MUC22: variants seen among roughly 807,000 people sequenced by gnomAD.
The protein encoded by MUC22 is mucin-22.
Under a neutral mutation model 40.3 loss-of-function variants are expected in MUC22, and 24 were observed. The ratio of observed to expected loss-of-function variants is 0.60; its 90% CI spans 0.43 to 0.84. MUC22 has a LOEUF of 0.84. MUC22 is among the 40% of genes least tolerant of loss of function. The pLI, the probability that MUC22 is intolerant of heterozygous loss-of-function variation, is 0.00. For synonymous variants in MUC22, 765 were observed against 844.5 expected, an observed-to-expected ratio of 0.91 and a Z score of 1.63; for missense variants, 1,926 against 2,130.7, an observed-to-expected ratio of 0.90 and a Z score of 1.89.
chr6:31,030,032 C>T, exon 2 of MUC22: 2 of 1,535,754 alleles, frequency 1.3e-6, no homozygotes, highest in Non-Finnish European at 1.7e-6. Context: ...ACTGTCTCTT[C>T]CACCACGTTT....
At chr6:31,024,445 T>C (rs1765108176) in intron 1 of MUC22, among the ~76,000 whole-genome samples, 1 of 79,024 alleles carries the variant, frequency 1.3e-5, no homozygotes, top group African/African-American at 5.7e-5. Context: ...CAAAAGAATT[T>C]GTGATTTTTT....
chr6:31,017,086 C>T (rs749453852), intron 1 of MUC22, among the ~76,000 whole-genome samples: 3 of 152,244 alleles, frequency 2.0e-5, no homozygotes, highest in Non-Finnish European at 2.9e-5. Flanking sequence ...TCCCCCACGC[C>T]GCCATGGGCT....
In MUC22 at chr6:31,026,693, C is replaced by T. The variant is rs116633440; in HGVS notation, c.1262C>T (p.Thr421Ile). 3 of 1,507,170 alleles carry T rather than the reference C, an allele frequency of 2.0e-6. 1 individual carries two copies. Among genetic ancestry groups the T allele is most frequent in the Non-Finnish European group, 2.7e-6 (3 of 1,128,256 alleles). 93.4% of individuals were successfully genotyped at this position (1,507,170 alleles called of 1,614,324 possible). The change falls in exon 2 of 4, where the codon ACC becomes ATC. Residue 421 changes from threonine (T) to isoleucine (I), a missense_variant. Coordinates refer to ENST00000561890, the Ensembl canonical transcript of MUC22. The stretch of plus-strand genomic sequence containing the variant: ...GATTCTGAGACCACTGCAGCCTCTA[C>T]CACAGGCTCTGAGATGACCACAGTC...
chr6:31,027,979 A>G, exon 2 of MUC22: 3 of 1,533,128 alleles, frequency 2.0e-6, no homozygotes, highest in South Asian at 2.4e-5. Flanking sequence ...CACAGTCTCT[A>G]CTGCAGATTC....
At chr6:31,027,755 T>C (rs62401665) in exon 2 of MUC22, 182,707 of 1,522,030 alleles carry the variant, frequency 0.12, 13,134 homozygotes, top group Admixed American at 0.17. Context: ...GGCTCTGAGA[T>C]GACCACAGTC....
chr6:31,029,368 T>C, exon 2 of MUC22: 1 of 1,535,118 alleles, frequency 6.5e-7, no homozygotes, highest in South Asian at 1.2e-5. Flanking sequence ...TACTGAAGGC[T>C]CTGAGACAAC....
upstream of MUC22, among the ~76,000 whole-genome samples, chr6:31,007,079 A>C (rs1763569553): frequency 6.6e-6 from 1 of 152,264 alleles, no homozygotes; most frequent in African/African-American, 2.4e-5. This position sits in a 1 kb window ranked among gnomAD's most constrained non-coding sequence, Gnocchi z 4.0. Flanking sequence ...AAAGAGTAGT[A>C]AAAACTTTTA....
chr6:31,011,165 A>C lies in MUC22; in HGVS notation c.70+389A>C, dbSNP rs1581598196. On this transcript the variant is annotated intron_variant, in intron 1 of 3. Transcript: ENST00000561890. The surrounding 1 kb of genome is among the most constrained non-coding windows in gnomAD (Gnocchi z 4.5). ...AATTCCAAATTAAAACCAGGATCTC[A>C]GTCTAAAGTCAAGTAAAAATCCTTC... 6.6e-6 allele frequency among the ~76,000 whole-genome samples: 1 copy of C among 151,894 alleles called. No individual in the cohort carries two copies. The highest frequency in any genetic ancestry group is 1.5e-5 in the Non-Finnish European group (1 of 67,972).
Position 31,029,713 on chromosome 6 carries a change from A to T in MUC22, c.4282A>T (p.Thr1428Ser), listed in dbSNP as rs563678693. ...TGCTGCAGGCTCTGAGGCCACCACC[A>T]CCTCTACTGAAGGCTCTGAGACCAC... is the stretch of plus-strand genomic sequence containing the variant. Residue 1428 changes from threonine to serine, a missense_variant, in exon 2 of 4, where the codon ACC becomes TCC. This residue lies in a region of MUC22 where 610 missense variants were observed against 714.6 expected (regional missense o/e 0.85). Transcript: ENST00000561890. The T allele has an allele frequency of 3.7e-6, 5 of 1,354,042 alleles. No homozygotes were observed. The East Asian group carries it at 1.2e-4, about 31-fold the overall frequency. The allele number at this position is 1,354,042 out of a possible 1,614,324, so 83.9% of individuals were successfully genotyped here. A position where few individuals can be genotyped will look rare whatever the true frequency, so the allele number is the denominator to read the frequency against.
At chr6:31,021,307 C>T (rs1764718311) in intron 1 of MUC22, among the ~76,000 whole-genome samples, 1 of 151,022 alleles carries the variant, frequency 6.6e-6, no homozygotes, top group Admixed American at 6.6e-5. Flanking sequence ...TATCTAGCTG[C>T]TCTGGTAGGG....
At chr6:31,010,677 A>G (rs968845481) in exon 1 of MUC22, 8 of 702,262 alleles carry the variant, frequency 1.1e-5, no homozygotes, top group Non-Finnish European at 2.1e-5. Flanking sequence ...CAGGCATCTA[A>G]ATGACAACTT....
chr6:31,023,792 G>T (rs1405133234), intron 1 of MUC22, among the ~76,000 whole-genome samples: 1 of 152,114 alleles, frequency 6.6e-6, no homozygotes, highest in African/African-American at 2.4e-5. Context: ...GAAAAAAATT[G>T]AGTGACTATT....
At chr6:31,022,162 A>C (rs1343257879) in intron 1 of MUC22, among the ~76,000 whole-genome samples, 1 of 152,218 alleles carries the variant, frequency 6.6e-6, no homozygotes, top group East Asian at 1.9e-4. Flanking sequence ...CAGACATGCC[A>C]CCTTAAGAGC....
At chr6:31,025,268 G>A (rs778737411) in intron 1 of MUC22, among the ~76,000 whole-genome samples, 9 of 152,104 alleles carry the variant, frequency 5.9e-5, no homozygotes, top group Admixed American at 1.3e-4. Flanking sequence ...TTAAGCCAAT[G>A]TGTATTTATA....
At chr6:31,026,021 C>A in exon 2 of MUC22, 1 of 1,530,362 alleles carries the variant, frequency 6.5e-7, no homozygotes, top group Non-Finnish European at 8.7e-7. Flanking sequence ...GAGACCACCA[C>A]CACCTCCACT....
intron 1 of MUC22, among the ~76,000 whole-genome samples, chr6:31,018,185 G>GCC (rs1764391078): frequency 6.6e-6 from 1 of 151,528 alleles, no homozygotes; most frequent in Non-Finnish European, 1.5e-5. Flanking sequence ...TACTGATCTA[G>GCC]AGTTTCTTTG....
intron 1 of MUC22, among the ~76,000 whole-genome samples, chr6:31,022,141 G>T (rs953364860): frequency 6.6e-6 from 1 of 152,092 alleles, no homozygotes; most frequent in African/African-American, 2.4e-5. Flanking sequence ...AACATCAGAA[G>T]GAGCAAACTC....
Position 31,011,287 on chromosome 6 carries a change from C to CACCCTATCT in MUC22, c.70+511_70+512insACCCTATCT, listed in dbSNP as rs757782192. 1.2e-3 allele frequency among the ~76,000 whole-genome samples: 187 copies of CACCCTATCT among 152,024 alleles called. 1 individual carries two copies. The highest frequency in any genetic ancestry group is 1.6e-3 in the Non-Finnish European group (107 of 67,980). On this transcript the variant is annotated intron_variant, in intron 1 of 3. Coordinates refer to ENST00000561890, the Ensembl canonical transcript of MUC22. This position sits in a 1 kb window ranked among gnomAD's most constrained non-coding sequence, Gnocchi z 4.5. ...GTGAATTGTGAGACTTTGGTGCACCCGTCACCAAGCAGTGTACACCGCACC... is the reference window on the plus strand; with the variant it reads ...GTGAATTGTGAGACTTTGGTGCACCCACCCTATCTGTCACCAAGCAGTGTACACCGCACC...
rs1461432245 is a variant in MUC22, at chr6:31,025,496, C to T, written c.71-6C>T. The T allele has an allele frequency of 3.4e-6, 5 of 1,486,024 alleles. No individual in the cohort carries two copies. In the African/African-American group the frequency reaches 4.2e-5, roughly 13 times the overall value. 92.1% of individuals were successfully genotyped at this position (1,486,024 alleles called of 1,614,324 possible). Reference sequence around the variant, plus strand: ...TTCCCACCACCTTATTTGTTCTCCACCTCAGGCTCTGAGAATACCACAGCC... The same window carrying T: ...TTCCCACCACCTTATTTGTTCTCCATCTCAGGCTCTGAGAATACCACAGCC... On this transcript the variant is annotated splice_polypyrimidine_tract_variant and splice_region_variant and intron_variant, in intron 1 of 3. Transcript: ENST00000561890.
Sources: gnomAD v4.1 joint callset for allele counts (sites outside exome capture counted in the v4.1 genomes callset) on GRCh38, gnomAD v4.1.1 for gene constraint, gnomAD v4.1.1 regional missense constraint, Gnocchi (gnomAD v3.1) non-coding constraint, MANE v1.5 for transcripts, NCBI Gene and HGNC (gene_info 2026-07-23, HGNC 2026-07-21) for gene names.